Variants in NAALADL2 observed in about 807,000 individuals in gnomAD.
The protein encoded by NAALADL2 is N-acetylated alpha-linked acidic dipeptidase like 2.
NAALADL2 carries 76 observed loss-of-function variants against 87.2 expected under a neutral mutation model. The observed-to-expected ratio is 0.87, with a 90% CI of 0.72 to 1.05. NAALADL2 has a LOEUF of 1.05. Ranked by LOEUF, NAALADL2 falls within the 50% of genes least tolerant of loss-of-function variation. NAALADL2 has a pLI of 0.00. For missense variants in NAALADL2, 1,089 were observed against 945.8 expected (o/e 1.15, Z -1.99); for synonymous variants, 354 against 331.0 (o/e 1.07, Z -0.75).
At chr3:174,711,826 GTC>G (rs1161548801) in intron 2 of NAALADL2, among the ~76,000 whole-genome samples, 2 of 152,176 alleles carry the variant, frequency 1.3e-5, no homozygotes, top group East Asian at 3.9e-4. Context: ...TCTTGAGAAA[GTC>G]TCTTTCTGTT....
chr3:175,363,937 A>G lies in NAALADL2; in HGVS notation c.1090+39612A>G, dbSNP rs563455971. On this transcript the variant is annotated intron_variant, in intron 5 of 13. Transcript: ENST00000454872. The stretch of plus-strand genomic sequence containing the variant: ...GTTTCCTAGTTCAGAAGCTGCTTTG[A>G]AAACAGATTTGACATTCGATTTGAG... 4.4e-3 allele frequency among the ~76,000 whole-genome samples: 646 copies of G among 148,270 alleles called. 68 individuals are homozygous for G. The highest frequency in any genetic ancestry group is 0.01 in the Middle Eastern group (3 of 290).
At chr3:175,486,220 C>A (rs1174639365) in intron 9 of NAALADL2, among the ~76,000 whole-genome samples, 1 of 152,176 alleles carries the variant, frequency 6.6e-6, no homozygotes, top group Non-Finnish European at 1.5e-5. Flanking sequence ...TACATCATAT[C>A]TGAAGTACAG....
intron 2 of NAALADL2, among the ~76,000 whole-genome samples, chr3:175,197,181 C>T (rs1293947832): frequency 6.6e-6 from 1 of 151,904 alleles, no homozygotes; most frequent in Non-Finnish European, 1.5e-5. Flanking sequence ...AGAATATGTA[C>T]TACAATTAAT....
chr3:174,926,137 C>G (rs573180982), intron 1 of NAALADL2, among the ~76,000 whole-genome samples: 1 of 151,660 alleles, frequency 6.6e-6, no homozygotes, highest in Non-Finnish European at 1.5e-5. Context: ...TGAAATGAAG[C>G]GAGAAGAGAA....
At chr3:175,041,420 T>TAA (rs1754063304) in intron 1 of NAALADL2, among the ~76,000 whole-genome samples, 1 of 152,166 alleles carries the variant, frequency 6.6e-6, no homozygotes, top group African/African-American at 2.4e-5. Flanking sequence ...AAACAGTTTC[T>TAA]AAGTGGTTAT....
chr3:174,843,203 T>C (rs1579165599), intron 3 of NAALADL2, among the ~76,000 whole-genome samples: 1 of 152,166 alleles, frequency 6.6e-6, no homozygotes, highest in African/African-American at 2.4e-5. Context: ...TCAGAACTTA[T>C]TTCTTCTAAT....
intron 2 of NAALADL2, among the ~76,000 whole-genome samples, chr3:174,709,384 T>C (rs1578631345): frequency 6.6e-6 from 1 of 152,232 alleles, no homozygotes; most frequent in African/African-American, 2.4e-5. Flanking sequence ...TAGTTTCTCA[T>C]AGAGAGCTTT....
intron 1 of NAALADL2, among the ~76,000 whole-genome samples, chr3:175,006,047 AAATCTGT>A (rs1748977496): frequency 6.6e-6 from 1 of 152,174 alleles, no homozygotes; most frequent in African/African-American, 2.4e-5. Flanking sequence ...AACTGAAATG[AAATCTGT>A]GCTTCAAGCT....
At position 175,160,920 on chromosome 3, in the gene NAALADL2, GTAT is replaced by G. The variant is rs576834996; in HGVS notation, c.545+63630_545+63632del. 4.4e-3 allele frequency among the ~76,000 whole-genome samples: 675 copies of G among 151,850 alleles called. 6 individuals carry two copies. The highest frequency in any genetic ancestry group is 0.015 in the African/African-American group (619 of 41,398). ...ATTTCCAAGGATTAGCTCTGTATCA[GTAT>G]ATTTGTATTTGTATATTTAAGAAAA... is the stretch of plus-strand genomic sequence containing the variant. On this transcript the variant is annotated intron_variant, in intron 2 of 13. Transcript: ENST00000454872.
chr3:174,470,284 A>ATT (rs1716819655), intron 1 of NAALADL2, among the ~76,000 whole-genome samples: 2 of 151,954 alleles, frequency 1.3e-5, no homozygotes, highest in Non-Finnish European at 2.9e-5. Flanking sequence ...TGTGTTGGCT[A>ATT]TTTCTATATC....
intron 13 of NAALADL2, among the ~76,000 whole-genome samples, chr3:175,800,943 G>A (rs149417063): frequency 6.6e-6 from 1 of 152,270 alleles, no homozygotes; most frequent in Non-Finnish European, 1.5e-5. Flanking sequence ...GAAAGCGAAT[G>A]ACTTACAGGG....
At chr3:175,029,081 G>T (rs1484869001) in intron 1 of NAALADL2, among the ~76,000 whole-genome samples, 1 of 149,646 alleles carries the variant, frequency 6.7e-6, no homozygotes, top group South Asian at 2.1e-4. Context: ...CTCAAAATGT[G>T]CATGCAATTT....
chr3:175,003,385 T>C (rs73881596), intron 1 of NAALADL2, among the ~76,000 whole-genome samples: 5,210 of 152,210 alleles, frequency 0.034, 202 homozygotes, highest in African/African-American at 0.1. Flanking sequence ...ATACTTAATA[T>C]AAAAGCACTT....
chr3:175,585,996 T>A (rs1014345516), intron 10 of NAALADL2, among the ~76,000 whole-genome samples: 2 of 152,294 alleles, frequency 1.3e-5, no homozygotes, highest in East Asian at 1.9e-4. Flanking sequence ...TTTTTAAAAA[T>A]TTAAGATTAA....
intron 2 of NAALADL2, among the ~76,000 whole-genome samples, chr3:175,120,116 C>A (rs6798369): frequency 0.61 from 91,361 of 150,990 alleles, 28,142 homozygotes; most frequent in African/African-American, 0.73. Flanking sequence ...GCAGTGGATG[C>A]AGAAGTAAGA....
chr3:175,114,904 A>C (rs1320755516), intron 2 of NAALADL2, among the ~76,000 whole-genome samples: 1 of 151,680 alleles, frequency 6.6e-6, no homozygotes, highest in Non-Finnish European at 1.5e-5. Context: ...AAAGCAAATC[A>C]CAAAAGAAAA....
At chr3:174,464,594 T>C (rs1716410536) in intron 1 of NAALADL2, among the ~76,000 whole-genome samples, 1 of 151,992 alleles carries the variant, frequency 6.6e-6, no homozygotes, top group South Asian at 2.1e-4. Flanking sequence ...GTTGTTATAA[T>C]TATGTTTTTA....
chr3:174,896,215 C>G (rs1240956026), intron 1 of NAALADL2, among the ~76,000 whole-genome samples: 1 of 151,926 alleles, frequency 6.6e-6, no homozygotes, highest in African/African-American at 2.4e-5. Context: ...AAAGGACATC[C>G]ACACTGAAAA....
intron 10 of NAALADL2, among the ~76,000 whole-genome samples, chr3:175,608,299 T>G (rs1181795511): frequency 1.3e-5 from 2 of 150,602 alleles, no homozygotes; most frequent in Non-Finnish European, 3.0e-5. Context: ...TCATTTTTAT[T>G]AAAATATTGT....
Sources: gnomAD v4.1 joint callset for allele counts (sites outside exome capture counted in the v4.1 genomes callset) on GRCh38, gnomAD v4.1.1 for gene constraint, MANE v1.5 for transcripts, NCBI Gene and HGNC (gene_info 2026-07-23, HGNC 2026-07-21) for gene names.